The following DRC1 variants were observed in gnomAD, a reference collection of about 807,000 sequenced individuals.
The protein encoded by DRC1 is dynein regulatory complex protein 1.
A neutral mutation model predicts 98.7 loss-of-function variants in DRC1; 74 were observed. The observed-to-expected ratio is 0.75, with a 90% CI of 0.62 to 0.91. DRC1 has a LOEUF of 0.91. DRC1 is among the 40% of genes least tolerant of loss of function. DRC1 has a pLI of 0.00. For synonymous variants in DRC1, 336 were observed against 334.1 expected, an observed-to-expected ratio of 1.01 and a Z score of -0.06; for missense variants, 875 against 886.0, an observed-to-expected ratio of 0.99 and a Z score of 0.16.
intron 6 of DRC1, 135 bp downstream of exon 6, chr2:26,431,007 T>G (rs1663422704): frequency 1.3e-6 from 1 of 768,692 alleles, no homozygotes; most frequent in Admixed American, 3.6e-5. Context: ...TGTCACCAGG[T>G]TGGAATGCTG....
intron 12 of DRC1, 25 bp from the exon 13 acceptor site, chr2:26,450,567 G>C (rs745845931): frequency 6.2e-7 from 1 of 1,605,464 alleles, no homozygotes; most frequent in South Asian, 1.1e-5. Context: ...GGGTGTTTGA[G>C]CAACCATCCT....
chr2:26,413,800 CT>C (rs1431449494), intron 1 of DRC1, among the ~76,000 whole-genome samples: 1 of 151,978 alleles, frequency 6.6e-6, no homozygotes, highest in East Asian at 1.9e-4. Context: ...AAAGTAAAAT[CT>C]TTTAATCTTT....
chr2:26,409,445 GT>G (rs1198373667), intron 1 of DRC1, among the ~76,000 whole-genome samples: 4 of 151,166 alleles, frequency 2.6e-5, no homozygotes, highest in African/African-American at 7.3e-5. Context: ...CCTTTATGTA[GT>G]TTTTTTTTAA....
chr2:26,448,916 C>G (rs1377694163), intron 11 of DRC1, 113 bp downstream of exon 11: 9 of 1,105,396 alleles, frequency 8.1e-6, no homozygotes, highest in Non-Finnish European at 1.2e-5. Flanking sequence ...CTCCCCTGGC[C>G]AAGCCCAGGG....
At chr2:26,418,848 TATTATATATTATATATACAAC>T (rs1678944729) in intron 2 of DRC1, among the ~76,000 whole-genome samples, 1 of 138,630 alleles carries the variant, frequency 7.2e-6, no homozygotes, top group South Asian at 2.1e-4. Context: ...ATATAAAGCA[TATTATATATTATATATACAAC>T]ATTATATATT....
At chr2:26,432,983 A>G (rs1158688749) in intron 7 of DRC1, among the ~76,000 whole-genome samples, 1 of 152,232 alleles carries the variant, frequency 6.6e-6, no homozygotes, top group Non-Finnish European at 1.5e-5. Flanking sequence ...CAGTGAGGCA[A>G]ATTCTGACTA....
At chr2:26,449,873 C>T in intron 11 of DRC1, 123 bp from the exon 12 acceptor site, 1 of 822,224 alleles carries the variant, frequency 1.2e-6, no homozygotes, top group East Asian at 2.8e-5. Flanking sequence ...CTGCTGGCTC[C>T]CATCCCTGGG....
At chr2:26,441,106 C>A in intron 8 of DRC1, among the ~76,000 whole-genome samples, 1 of 152,198 alleles carries the variant, frequency 6.6e-6, no homozygotes, top group Non-Finnish European at 1.5e-5. Flanking sequence ...TCTCATACAT[C>A]CTTCCCTTCT....
At chr2:26,441,081 C>T (rs1663706139) in intron 8 of DRC1, among the ~76,000 whole-genome samples, 1 of 152,164 alleles carries the variant, frequency 6.6e-6, no homozygotes, top group African/African-American at 2.4e-5. Flanking sequence ...TGAAAGGTAC[C>T]TATTGCTTGA....
chr2:26,436,056 CT>C (rs1252517486), intron 7 of DRC1, among the ~76,000 whole-genome samples: 3 of 152,036 alleles, frequency 2.0e-5, no homozygotes, highest in Non-Finnish European at 2.9e-5. Flanking sequence ...AATGCCTGAA[CT>C]AATTTACCTT....
At chr2:26,440,810 C>T (rs1257753496) in intron 8 of DRC1, among the ~76,000 whole-genome samples, 1 of 152,176 alleles carries the variant, frequency 6.6e-6, no homozygotes, top group East Asian at 1.9e-4. Context: ...ATATTCTCAT[C>T]CCCCATCTGC....
At chr2:26,415,475 G>C (rs115232399) in intron 2 of DRC1, among the ~76,000 whole-genome samples, 1 of 152,302 alleles carries the variant, frequency 6.6e-6, no homozygotes, top group African/African-American at 2.4e-5. Context: ...ATAGAGCATA[G>C]AGGTATAGAG....
intron 9 of DRC1, 60 bp from the exon 10 acceptor site, chr2:26,444,656 G>A: frequency 2.0e-6 from 3 of 1,494,016 alleles, no homozygotes; most frequent in South Asian, 1.2e-5. Context: ...GCTGCTATTT[G>A]AGGGGACCCT....
rs574000129 is a variant in DRC1 at position 26,425,198 on chromosome 2, A to G, written c.540+744A>G. Among the ~76,000 whole-genome samples, 5 of 152,280 alleles carry G rather than the reference A, an allele frequency of 3.3e-5. No homozygotes were observed. The South Asian group carries it at 1.0e-3, about 32-fold the overall frequency. ...ATCATACAGCATTTGTCCTTTTGTG[A>G]CTAGCATATTTGGCTTAGTATAGAT... On this transcript the variant is annotated intron_variant, in intron 4 of 16. Coordinates refer to ENST00000288710, the MANE Select transcript of DRC1 (RefSeq NM_145038.5).
intron 2 of DRC1, among the ~76,000 whole-genome samples, chr2:26,418,717 T>A (rs10202204): frequency 0.021 from 2,048 of 98,924 alleles, 78 homozygotes; most frequent in African/African-American, 0.074. Flanking sequence ...ATTTATATAA[T>A]ATATAAATTA....
chr2:26,430,943 C>T, intron 6 of DRC1, 71 bp downstream of exon 6: 2 of 1,022,076 alleles, frequency 2.0e-6, no homozygotes, highest in Non-Finnish European at 2.8e-6. Flanking sequence ...AATTTGCTAG[C>T]TAGCCTTTTT....
At chr2:26,402,606 A>T (rs1470348642) in intron 1 of DRC1, among the ~76,000 whole-genome samples, 1 of 152,128 alleles carries the variant, frequency 6.6e-6, no homozygotes, top group African/African-American at 2.4e-5. Context: ...TAAGTGCGGG[A>T]TGTATTGTCT....
rs771511138 is a variant in DRC1, at chr2:26,453,558, C to T, written c.1919+9C>T. 14 of 1,611,008 alleles carry T rather than the reference C, an allele frequency of 8.7e-6. No homozygotes were observed. The highest frequency in any genetic ancestry group is 4.5e-5 in the East Asian group (2 of 44,862). ...GGTCTGAAGAAGCCTAGGTGGGCTG[C>T]GGGGCTGGAAGGCTTGCCTGAGACC... is the stretch of plus-strand genomic sequence containing the variant. On this transcript the variant is annotated intron_variant, in intron 14 of 16. Transcript: ENST00000288710.
intron 10 of DRC1, among the ~76,000 whole-genome samples, chr2:26,447,573 A>G (rs766411073): frequency 5.3e-5 from 8 of 151,320 alleles, no homozygotes; most frequent in Admixed American, 2.0e-4. Context: ...CGTTTGTTTT[A>G]TTTTTGTCTT....
Sources: allele counts gnomAD v4.1 joint callset (sites outside exome capture counted in the v4.1 genomes callset), GRCh38; gene constraint gnomAD v4.1.1; transcripts MANE v1.5; gene names NCBI Gene and HGNC (gene_info 2026-07-23, HGNC 2026-07-21).